Variants in SLC24A3 observed in about 807,000 individuals in gnomAD.
SLC24A3 encodes the protein solute carrier family 24 member 3, also known as sodium/potassium/calcium exchanger 3.
A neutral mutation model predicts 75.8 loss-of-function variants in SLC24A3; 28 were observed. The ratio of observed to expected loss-of-function variants is 0.37; its 90% CI spans 0.27 to 0.51. The LOEUF (loss-of-function observed/expected upper bound fraction) is 0.51. SLC24A3 is among the 20% of genes least tolerant of loss of function. The pLI is 0.94. For synonymous variants in SLC24A3, 372 were observed against 334.1 expected (o/e 1.11, Z -1.24); for missense variants, 663 against 847.8 (o/e 0.78, Z 2.71).
chr20:19,527,062 T>A (rs996192904), intron 3 of SLC24A3, among the ~76,000 whole-genome samples: 6 of 151,716 alleles, frequency 4.0e-5, no homozygotes, highest in Admixed American at 1.3e-4. Context: ...GAAATCCCAG[T>A]TCCTGCCTAG....
chr20:19,322,072 C>T (rs933574857), intron 2 of SLC24A3, among the ~76,000 whole-genome samples: 1 of 152,040 alleles, frequency 6.6e-6, no homozygotes, highest in East Asian at 1.9e-4. Context: ...AGGAGCCACA[C>T]GATGTCAATA....
At chr20:19,621,907 T>A (rs2031809333) in intron 6 of SLC24A3, among the ~76,000 whole-genome samples, 1 of 152,150 alleles carries the variant, frequency 6.6e-6, no homozygotes, top group Non-Finnish European at 1.5e-5. Context: ...AAATGCCAAA[T>A]CTCCTGGTTG....
intron 2 of SLC24A3, among the ~76,000 whole-genome samples, chr20:19,297,314 G>C (rs927828624): frequency 9.2e-5 from 14 of 152,114 alleles, no homozygotes; most frequent in Non-Finnish European, 1.5e-5. Context: ...CACAAGTTTT[G>C]AGTTGCATCC....
At chr20:19,294,593 A>G (rs1450558971) in intron 2 of SLC24A3, among the ~76,000 whole-genome samples, 1 of 152,136 alleles carries the variant, frequency 6.6e-6, no homozygotes, top group African/African-American at 2.4e-5. Context: ...CCATCCATAT[A>G]TATATATGCA....
At chr20:19,636,834 C>T (rs976312663) in intron 6 of SLC24A3, among the ~76,000 whole-genome samples, 1 of 152,192 alleles carries the variant, frequency 6.6e-6, no homozygotes, top group Non-Finnish European at 1.5e-5. Flanking sequence ...GTAAACAGAG[C>T]AGCTGTCTAC....
chr20:19,240,405 A>C (rs1265466767), intron 1 of SLC24A3, among the ~76,000 whole-genome samples: 1 of 152,252 alleles, frequency 6.6e-6, no homozygotes, highest in African/African-American at 2.4e-5. Flanking sequence ...TTGTAAAAGC[A>C]GTTTTCTCCT....
At chr20:19,614,528 G>A (rs539155703) in intron 6 of SLC24A3, among the ~76,000 whole-genome samples, 30 of 152,298 alleles carry the variant, frequency 2.0e-4, no homozygotes, top group Admixed American at 5.2e-4. Flanking sequence ...ACCTGGCAAA[G>A]ATCGCTTTGG....
intron 2 of SLC24A3, among the ~76,000 whole-genome samples, chr20:19,508,620 C>T (rs1243369634): frequency 6.6e-6 from 1 of 152,124 alleles, no homozygotes; most frequent in East Asian, 1.9e-4. Context: ...ATTGCTGTTG[C>T]CTTGGTAAGG....
intron 6 of SLC24A3, among the ~76,000 whole-genome samples, chr20:19,615,865 C>T (rs114020045): frequency 0.02 from 3,052 of 152,274 alleles, 112 homozygotes; most frequent in African/African-American, 0.069. Context: ...AGACTGAAGG[C>T]TACACTGTTG....
intron 6 of SLC24A3, among the ~76,000 whole-genome samples, chr20:19,650,233 A>C (rs2032186595): frequency 6.6e-6 from 1 of 152,200 alleles, no homozygotes; most frequent in Non-Finnish European, 1.5e-5. Context: ...ATTTGATTAC[A>C]ATCCAGACAT....
chr20:19,428,628 G>C lies in SLC24A3; in HGVS notation c.272-86860G>C, dbSNP rs147472667. On this transcript the variant is annotated intron_variant, in intron 2 of 16. Coordinates refer to ENST00000328041, the MANE Select transcript of SLC24A3 (RefSeq NM_020689.4). ...TGAGTTCTCTCCTTTGAGTGGGCAG[G>C]ATATGGCATGGACCATCCTTAATCC... 5.9e-5 allele frequency among the ~76,000 whole-genome samples: 9 copies of C among 152,330 alleles called. No homozygotes were observed. The East Asian group carries it at 1.7e-3, about 29-fold the overall frequency.
At chr20:19,548,746 C>T (rs76310754) in intron 3 of SLC24A3, among the ~76,000 whole-genome samples, 4,035 of 152,306 alleles carry the variant, frequency 0.026, 197 homozygotes, top group African/African-American at 0.09. Context: ...TTAAGGTCAA[C>T]TGATGAGAGG....
At chr20:19,557,735 A>G (rs1408371907) in intron 3 of SLC24A3, among the ~76,000 whole-genome samples, 8 of 152,184 alleles carry the variant, frequency 5.3e-5, no homozygotes, top group Admixed American at 5.2e-4. Flanking sequence ...TCTTGGGCAA[A>G]TATGTCCCAA....
At chr20:19,233,917 G>A (rs1463737313) in intron 1 of SLC24A3, among the ~76,000 whole-genome samples, 1 of 152,070 alleles carries the variant, frequency 6.6e-6, no homozygotes, top group East Asian at 1.9e-4. Context: ...TCTTTATATT[G>A]GTAACACTAA....
intron 6 of SLC24A3, among the ~76,000 whole-genome samples, chr20:19,631,787 T>TGA (rs1232928489): frequency 4.7e-4 from 58 of 124,232 alleles, no homozygotes; most frequent in East Asian, 4.4e-4. Flanking sequence ...TGTGTATGAG[T>TGA]GAGAGTGTGT....
intron 2 of SLC24A3, among the ~76,000 whole-genome samples, chr20:19,430,460 G>T (rs1168150246): frequency 6.6e-6 from 1 of 152,074 alleles, no homozygotes; most frequent in Non-Finnish European, 1.5e-5. Context: ...GGAGGGAAAG[G>T]ACCAGGGAGG....
At chr20:19,401,552 A>G (rs950116407) in intron 2 of SLC24A3, among the ~76,000 whole-genome samples, 3 of 152,156 alleles carry the variant, frequency 2.0e-5, no homozygotes, top group Admixed American at 2.0e-4. Context: ...AGGAAAGGTT[A>G]ATTGACTTGT....
chr20:19,623,658 G>A (rs931466228), intron 6 of SLC24A3, among the ~76,000 whole-genome samples: 1 of 152,126 alleles, frequency 6.6e-6, no homozygotes, highest in African/African-American at 2.4e-5. Flanking sequence ...GTGTTTAGTG[G>A]CTACCATATT....
chr20:19,355,388 A>C (rs551359930), intron 2 of SLC24A3, among the ~76,000 whole-genome samples: 2 of 152,370 alleles, frequency 1.3e-5, no homozygotes, highest in South Asian at 4.1e-4. Context: ...AGGATGACAC[A>C]TTCGAAAATA....
Sources: gnomAD v4.1 joint callset for allele counts (sites outside exome capture counted in the v4.1 genomes callset) on GRCh38, gnomAD v4.1.1 for gene constraint, MANE v1.5 for transcripts, NCBI Gene and HGNC (gene_info 2026-07-23, HGNC 2026-07-21) for gene names.